Variants in XIRP2 observed in about 807,000 individuals in gnomAD.
The protein encoded by XIRP2 is xin actin binding repeat containing 2.
In XIRP2, 236 loss-of-function variants were observed where a neutral mutation model predicts 277.0. The observed-to-expected ratio is 0.85, with a 90% confidence interval of 0.77 to 0.95. The LOEUF (loss-of-function observed/expected upper bound fraction) is 0.95, where lower values mean the gene tolerates loss of function less well. Among genes scored for constraint, XIRP2 ranks in the 40% least tolerant of loss-of-function variants. XIRP2 has a pLI of 0.00. For missense variants in XIRP2, 4,640 were observed against 4,157.5 expected, an observed-to-expected ratio of 1.12 and a Z score of -3.19; for synonymous variants, 1,490 against 1,416.5, an observed-to-expected ratio of 1.05 and a Z score of -1.17.
At chr2:167,035,563 GA>G (rs1459007131) in intron 2 of XIRP2, among the ~76,000 whole-genome samples, 1 of 152,190 alleles carries the variant, frequency 6.6e-6, no homozygotes, top group Non-Finnish European at 1.5e-5. Context: ...AAGCATTCAA[GA>G]GGTGACTTGG....
intron 2 of XIRP2, among the ~76,000 whole-genome samples, chr2:166,982,207 A>C (rs1686888028): frequency 6.6e-6 from 1 of 151,856 alleles, no homozygotes; most frequent in African/African-American, 2.4e-5. Flanking sequence ...ATAAAGAGAT[A>C]TTCATAACTT....
chr2:167,253,623 A>G (rs530506098), intron 9 of XIRP2, among the ~76,000 whole-genome samples: 1 of 151,890 alleles, frequency 6.6e-6, no homozygotes, highest in Non-Finnish European at 1.5e-5. Context: ...ATATATAGGG[A>G]AAACTCAATT....
chr2:167,198,208 G>A (rs1286309218), intron 3 of XIRP2, among the ~76,000 whole-genome samples: 1 of 152,132 alleles, frequency 6.6e-6, no homozygotes, highest in Non-Finnish European at 1.5e-5. Context: ...ATATCATTAG[G>A]AAACTGACAT....
In XIRP2 at chr2:167,242,948, G is replaced by A; in HGVS notation, c.1556G>A (p.Ser519Asn). ...LRKNLEKDYISEVSEIVSSQM... is the reference protein window; with the variant it reads ...LRKNLEKDYINEVSEIVSSQM... Reference sequence around the variant, plus strand: ...AAAAACTTAGAAAAAGATTATATCAGTGAAGTTTCTGAGATTGTTTCTAGT... The same window carrying A: ...AAAAACTTAGAAAAAGATTATATCAATGAAGTTTCTGAGATTGTTTCTAGT... The change falls in exon 9 of 11, where the codon AGT becomes AAT. Residue 519 changes from serine to asparagine, a missense_variant. Physicochemically the swap from Ser to Asn is conservative, Grantham distance 46. Coordinates refer to ENST00000409195, the MANE Select transcript of XIRP2 (RefSeq NM_152381.6). The A allele has an allele frequency of 1.2e-6, 2 of 1,613,782 alleles. No individual in the cohort carries two copies. Among genetic ancestry groups the A allele is most frequent in the Non-Finnish European group, 1.7e-6 (2 of 1,179,904 alleles).
chr2:166,940,725 T>A (rs1228752087), intron 2 of XIRP2, among the ~76,000 whole-genome samples: 4 of 152,242 alleles, frequency 2.6e-5, no homozygotes, highest in Non-Finnish European at 5.9e-5. Flanking sequence ...AGACCCTGTT[T>A]GCCTGTGTAT....
chr2:167,113,462 G>T (rs78995052), intron 2 of XIRP2, among the ~76,000 whole-genome samples: 4,613 of 152,130 alleles, frequency 0.03, 77 homozygotes, highest in East Asian at 0.05. Flanking sequence ...AATTAGGATT[G>T]TAACCCCTGC....
chr2:167,246,044 G>A lies in XIRP2; in HGVS notation c.4652G>A (p.Ser1551Asn), dbSNP rs1695249508. ...RVEKIEIIGK[S>N]IKETLEDLYS... ...GAAAAGATAGAAATTATTGGCAAGA[G>A]CATTAAAGAAACCTTAGAAGATCTC... The change falls in exon 9 of 11, where the codon AGC becomes AAC. Residue 1551 changes from serine (S) to asparagine (N), a missense_variant. Ser to Asn is a conservative substitution (Grantham distance 46). Transcript: ENST00000409195. 1 of 1,613,492 alleles carries A rather than the reference G, an allele frequency of 6.2e-7. No homozygotes were observed. Among genetic ancestry groups the A allele is most frequent in the Admixed American group, 1.7e-5 (1 of 59,940 alleles).
At chr2:166,942,385 T>G (rs935008248) in intron 2 of XIRP2, among the ~76,000 whole-genome samples, 1 of 152,222 alleles carries the variant, frequency 6.6e-6, no homozygotes, top group African/African-American at 2.4e-5. Flanking sequence ...TTCTCTTTAT[T>G]TTCATGAAAA....
chr2:166,964,325 G>A (rs1686372223), intron 2 of XIRP2, among the ~76,000 whole-genome samples: 1 of 151,732 alleles, frequency 6.6e-6, no homozygotes, highest in African/African-American at 2.4e-5. Context: ...TCATAATGCA[G>A]GAGGATGTTA....
At chr2:167,026,194 C>G (rs967178038) in intron 2 of XIRP2, among the ~76,000 whole-genome samples, 4 of 152,086 alleles carry the variant, frequency 2.6e-5, no homozygotes, top group African/African-American at 9.7e-5. Flanking sequence ...GAATTGATCC[C>G]TTTACCATTA....
chr2:167,061,610 A>G (rs1392209766), intron 2 of XIRP2, among the ~76,000 whole-genome samples: 2 of 152,072 alleles, frequency 1.3e-5, no homozygotes, highest in African/African-American at 2.4e-5. Flanking sequence ...TACAGTTCTC[A>G]TCAAGCAAAG....
At chr2:167,004,558 C>T (rs1002532512) in intron 2 of XIRP2, among the ~76,000 whole-genome samples, 6 of 151,722 alleles carry the variant, frequency 4.0e-5, no homozygotes, top group Non-Finnish European at 8.8e-5. Context: ...TGTCATATCT[C>T]GGCTGTGTAG....
chr2:167,233,718 T>C (rs984727677), intron 5 of XIRP2, among the ~76,000 whole-genome samples: 4 of 151,908 alleles, frequency 2.6e-5, no homozygotes, highest in African/African-American at 9.6e-5. Context: ...TTATTTTTTT[T>C]GTAAACTTTT....
intron 2 of XIRP2, among the ~76,000 whole-genome samples, chr2:166,906,409 A>C (rs1400848597): frequency 6.6e-6 from 1 of 152,074 alleles, no homozygotes; most frequent in Non-Finnish European, 1.5e-5. Context: ...ACATACATGC[A>C]TATATAACTA....
intron 2 of XIRP2, among the ~76,000 whole-genome samples, chr2:167,103,132 C>A (rs754851646): frequency 1.1e-4 from 16 of 151,756 alleles, no homozygotes; most frequent in Non-Finnish European, 2.2e-4. Context: ...GAGCAAGATC[C>A]TGTCTCAAAA....
chr2:167,243,491 A>G lies in XIRP2; in HGVS notation c.2099A>G (p.His700Arg). The change falls in exon 9 of 11, where the codon CAT (histidine) becomes CGT (arginine). Residue 700 changes from histidine to arginine, a missense_variant. Physicochemically the swap from His to Arg is conservative, Grantham distance 29 (BLOSUM62 0). Transcript: ENST00000409195. ...KTVRYMFETQ[H>R]LDQLGQLHSV... ...GTGAGATACATGTTTGAAACTCAAC[A>G]TCTAGATCAACTTGGACAGCTTCAT... 1.2e-6 allele frequency: 2 copies of G among 1,614,070 alleles called. No homozygotes were observed. Among genetic ancestry groups the G allele is most frequent in the Non-Finnish European group, 1.7e-6 (2 of 1,179,976 alleles).
In XIRP2 at chr2:167,243,526, G is replaced by A. The variant is rs1351237525; in HGVS notation, c.2134G>A (p.Glu712Lys). 4 of 1,613,926 alleles carry A rather than the reference G, an allele frequency of 2.5e-6. No homozygotes were observed. Among genetic ancestry groups the A allele is most frequent in the African/African-American group, 2.7e-5 (2 of 74,916 alleles). The change falls in exon 9 of 11, where the codon GAG (glutamate) becomes AAG (lysine). Residue 712 changes from glutamate (E) to lysine (K), a missense_variant. Transcript: ENST00000409195. ...ACTTGGACAGCTTCATTCAGTGGAT[G>A]AGGTTCATTTACTGCAGCTTAGGTC... ...DQLGQLHSVD[E>K]VHLLQLRSEL...
chr2:167,171,031 C>G (rs1180882527), intron 3 of XIRP2, among the ~76,000 whole-genome samples: 1 of 151,460 alleles, frequency 6.6e-6, no homozygotes, highest in Non-Finnish European at 1.5e-5. Flanking sequence ...TCCTGGGTAG[C>G]TGGGATTACA....
intron 2 of XIRP2, among the ~76,000 whole-genome samples, chr2:166,919,887 T>TA (rs1684991253): frequency 6.6e-6 from 1 of 152,134 alleles, no homozygotes; most frequent in South Asian, 2.1e-4. Flanking sequence ...CATTTAAAGA[T>TA]AAAATCAAGA....
Sources: gnomAD v4.1 joint callset for allele counts (sites outside exome capture counted in the v4.1 genomes callset) on GRCh38, gnomAD v4.1.1 for gene constraint, MANE v1.5 for transcripts, NCBI Gene and HGNC (gene_info 2026-07-23, HGNC 2026-07-21) for gene names.